The following CCDC68 variants were observed in gnomAD, a reference collection of about 807,000 sequenced individuals.
The protein encoded by CCDC68 is coiled-coil domain-containing protein 68.
A neutral mutation model predicts 47.1 loss-of-function variants in CCDC68; 45 were observed. The observed-to-expected ratio is 0.96, with a 90% CI of 0.75 to 1.23. The LOEUF is 1.23. Ranked by LOEUF, CCDC68 falls within the 50% of genes most tolerant of loss-of-function variation. The pLI, the probability that CCDC68 is intolerant of heterozygous loss-of-function variation, is 0.00. For synonymous variants in CCDC68, 131 were observed against 129.5 expected, an observed-to-expected ratio of 1.01 and a Z score of -0.08; for missense variants, 353 against 373.6, an observed-to-expected ratio of 0.94 and a Z score of 0.45.
At chr18:54,907,302 G>A (rs1914068267) in intron 11 of CCDC68, among the ~76,000 whole-genome samples, 1 of 152,248 alleles carries the variant, frequency 6.6e-6, no homozygotes, top group South Asian at 2.1e-4. Context: ...TTATTAGATA[G>A]CTGTTGAAGA....
chr18:54,952,781 G>A (rs2044640356), intron 1 of CCDC68, among the ~76,000 whole-genome samples: 1 of 152,220 alleles, frequency 6.6e-6, no homozygotes, highest in Non-Finnish European at 1.5e-5. Flanking sequence ...GGGAGGCCGA[G>A]GCGAGCTGAT....
chr18:54,942,962 ATT>A, intron 2 of CCDC68, 159 bp from the exon 3 acceptor site: 1 of 473,376 alleles, frequency 2.1e-6, no homozygotes, highest in Admixed American at 4.2e-5. Context: ...CCAGGAATTA[ATT>A]TAATATAAAG....
rs1292393020 is a variant in CCDC68, at chr18:54,959,331, C to T, written c.-103+5G>A. 6.6e-6 allele frequency: 1 copy of T among 152,338 alleles called. No homozygotes were observed. Among genetic ancestry groups the T allele is most frequent in the Non-Finnish European group, 1.5e-5 (1 of 68,154 alleles). The allele number at this position is 152,338 out of a possible 1,614,324, so 9.4% of individuals were successfully genotyped here. Reference sequence around the variant, plus strand: ...CCGGGCCCGAAGGTGGCCAGACTCGCCTACCTTGTGGGGCGCCCAGCCGAC... The same window carrying T: ...CCGGGCCCGAAGGTGGCCAGACTCGTCTACCTTGTGGGGCGCCCAGCCGAC... On this transcript the variant is annotated splice_donor_5th_base_variant and intron_variant, in intron 1 of 11. Transcript: ENST00000591504.
chr18:54,921,542 C>T (rs1441298018), intron 8 of CCDC68, among the ~76,000 whole-genome samples: 14 of 152,150 alleles, frequency 9.2e-5, no homozygotes, highest in Admixed American at 9.2e-4. Context: ...GGGAACAGGA[C>T]GCCTACAACA....
intron 1 of CCDC68, 183 bp downstream of exon 1, chr18:54,959,153 C>G (rs1479791430): frequency 6.6e-6 from 1 of 152,266 alleles, no homozygotes; most frequent in Non-Finnish European, 1.5e-5. Flanking sequence ...GAAATTCGAG[C>G]CCAGAACCGA....
chr18:54,926,446 G>A (rs755609255), intron 8 of CCDC68, among the ~76,000 whole-genome samples: 26 of 152,154 alleles, frequency 1.7e-4, no homozygotes, highest in Non-Finnish European at 2.5e-4. Context: ...TGGGCTAACC[G>A]CCCCCATGGT....
In CCDC68 at chr18:54,936,936, C is replaced by G; in HGVS notation, c.368G>C (p.Gly123Ala). The part of the protein sequence containing the change: ...KIKLQASREA[G>A]AAALRNVAQR... ...GGCCACGTTTCTCAGAGCTGCTGCT[C>G]CTGCTTCTCTGGAGGCTTGCAGCTA... Residue 123 changes from glycine (G) to alanine (A), a missense_variant, in exon 6 of 12, where the codon GGA (glycine) becomes GCA (alanine). By Grantham distance (60) the Gly-to-Ala change is moderately conservative (BLOSUM62 0). Transcript: ENST00000591504. 2 of 1,614,070 alleles carry G rather than the reference C, an allele frequency of 1.2e-6. No individual in the cohort carries two copies. Among genetic ancestry groups the G allele is most frequent in the Non-Finnish European group, 1.7e-6 (2 of 1,180,010 alleles).
chr18:54,950,788 G>GTATATATATATATA lies in CCDC68; in HGVS notation c.-102-5325_-102-5312dup, dbSNP rs759466735. On this transcript the variant is annotated intron_variant, in intron 1 of 11. Transcript: ENST00000591504. The stretch of plus-strand genomic sequence containing the variant: ...CTGTGTTATTGTTATTATCTTCAGT[G>GTATATATATATATA]TATATATATATATATGATGCAATAA... Among the ~76,000 whole-genome samples, 28 of 97,336 alleles carry GTATATATATATATA rather than the reference G, an allele frequency of 2.9e-4. 3 individuals are homozygous for GTATATATATATATA. Among genetic ancestry groups the GTATATATATATATA allele is most frequent in the East Asian group, 1.9e-3 (5 of 2,584 alleles). The allele number at this position is 97,336 out of a possible 152,430, so 63.9% of individuals were successfully genotyped here.
intron 10 of CCDC68, among the ~76,000 whole-genome samples, chr18:54,909,746 C>A (rs1914241889): frequency 6.6e-6 from 1 of 152,234 alleles, no homozygotes; most frequent in African/African-American, 2.4e-5. Context: ...GCGGCTAGAC[C>A]AGGTGCACCA....
At chr18:54,958,550 A>C (rs146950416) in intron 1 of CCDC68, among the ~76,000 whole-genome samples, 35 of 152,362 alleles carry the variant, frequency 2.3e-4, no homozygotes, top group African/African-American at 7.5e-4. Context: ...AAATAAAACA[A>C]TCAGAATATA....
chr18:54,904,657 G>A (rs190989800), intron 11 of CCDC68, among the ~76,000 whole-genome samples: 118 of 152,310 alleles, frequency 7.7e-4, no homozygotes, highest in African/African-American at 2.8e-3. Flanking sequence ...GAATGAGGGA[G>A]CATGAGGGAA....
At chr18:54,951,779 G>A (rs1361405857) in intron 1 of CCDC68, among the ~76,000 whole-genome samples, 2 of 152,202 alleles carry the variant, frequency 1.3e-5, no homozygotes, top group African/African-American at 4.8e-5. Context: ...TTTATTCCAT[G>A]AACAAAGGCA....
At position 54,942,817 on chromosome 18, in the gene CCDC68, T is replaced by C; in HGVS notation, c.-12-14A>G. ...TGTGAATTCTGGCTTTAGGAAAACA[T>C]AAATCAGCTAAGCAAAACAGACTGT... On this transcript the variant is annotated splice_polypyrimidine_tract_variant and intron_variant, in intron 2 of 11. Transcript: ENST00000591504. 7.3e-7 allele frequency: 1 copy of C among 1,367,000 alleles called. No individual in the cohort carries two copies. Among genetic ancestry groups the C allele is most frequent in the Non-Finnish European group, 1.0e-6 (1 of 957,420 alleles). 84.7% of individuals were successfully genotyped at this position (1,367,000 alleles called of 1,614,324 possible).
chr18:54,949,802 A>C (rs969140706), intron 1 of CCDC68, among the ~76,000 whole-genome samples: 63 of 152,200 alleles, frequency 4.1e-4, no homozygotes, highest in Non-Finnish European at 7.6e-4. Context: ...CTGGAAGTGC[A>C]ACTCAGGGAA....
intron 4 of CCDC68, among the ~76,000 whole-genome samples, chr18:54,939,422 T>C (rs899267124): frequency 1.3e-5 from 2 of 152,112 alleles, no homozygotes; most frequent in Non-Finnish European, 2.9e-5. Context: ...AGATTCTGAA[T>C]CAGGAGGTCT....
At chr18:54,923,435 G>GT (rs1203616617) in intron 8 of CCDC68, among the ~76,000 whole-genome samples, 1 of 147,522 alleles carries the variant, frequency 6.8e-6, no homozygotes, top group East Asian at 2.0e-4. Context: ...AGCGTTCACT[G>GT]TAAGTAAAAA....
At chr18:54,918,525 G>A (rs545582812) in intron 9 of CCDC68, among the ~76,000 whole-genome samples, 29 of 152,362 alleles carry the variant, frequency 1.9e-4, no homozygotes, top group African/African-American at 6.7e-4. Flanking sequence ...GGCACCACTA[G>A]CTGTCATTAA....
chr18:54,929,986 G>A (rs543592932), intron 7 of CCDC68, among the ~76,000 whole-genome samples: 9 of 152,196 alleles, frequency 5.9e-5, no homozygotes, highest in African/African-American at 1.7e-4. Context: ...ATTTCCCTGT[G>A]TTCGCTTTTA....
chr18:54,906,920 T>C (rs1040204972), intron 11 of CCDC68, among the ~76,000 whole-genome samples: 1 of 152,138 alleles, frequency 6.6e-6, no homozygotes, highest in Admixed American at 6.5e-5. Flanking sequence ...TTTCAGGCAG[T>C]TTTAAAGAGA....
Sources: gnomAD v4.1 joint callset for allele counts (sites outside exome capture counted in the v4.1 genomes callset) on GRCh38, gnomAD v4.1.1 for gene constraint, MANE v1.5 for transcripts, NCBI Gene and HGNC (gene_info 2026-07-23, HGNC 2026-07-21) for gene names.